Variants in SUCLA2 observed in about 807,000 individuals in gnomAD.
SUCLA2 encodes succinate--CoA ligase [ADP-forming] subunit beta, mitochondrial.
Under a neutral mutation model 54.8 loss-of-function variants are expected in SUCLA2, and 30 were observed. The observed-to-expected ratio is 0.55, with a 90% CI of 0.41 to 0.74. The LOEUF is 0.74. SUCLA2 is among the 30% of genes least tolerant of loss of function. SUCLA2 has a pLI of 0.00. For synonymous variants in SUCLA2, 172 were observed against 188.9 expected, an observed-to-expected ratio of 0.91 and a Z score of 0.74; for missense variants, 476 against 562.9, an observed-to-expected ratio of 0.85 and a Z score of 1.56.
At chr13:47,970,782 C>G (rs1369408277) in intron 5 of SUCLA2, among the ~76,000 whole-genome samples, 1 of 152,162 alleles carries the variant, frequency 6.6e-6, no homozygotes, top group Admixed American at 6.5e-5. Context: ...ATCGCTTGAA[C>G]CCGGGAGGCA....
At chr13:48,001,125 A>G (rs1424089083) in intron 1 of SUCLA2, 55 bp downstream of exon 1, 1 of 1,563,198 alleles carries the variant, frequency 6.4e-7, no homozygotes, top group Admixed American at 1.9e-5. Context: ...GACCCCTCAC[A>G]CCTCACCCTT....
chr13:47,954,965 C>A (rs1041274363), intron 6 of SUCLA2, among the ~76,000 whole-genome samples: 5 of 152,074 alleles, frequency 3.3e-5, no homozygotes, highest in East Asian at 1.9e-4. Flanking sequence ...TGCCTCCCCC[C>A]ACCCCTTACC....
At chr13:47,994,044 A>C (rs1372068229) in intron 2 of SUCLA2, among the ~76,000 whole-genome samples, 1 of 140,622 alleles carries the variant, frequency 7.1e-6, no homozygotes, top group Non-Finnish European at 1.6e-5. Context: ...GGCAACAAGA[A>C]CGAAACTCCG....
chr13:47,963,680 A>G (rs1178018757), intron 6 of SUCLA2, among the ~76,000 whole-genome samples: 2 of 152,040 alleles, frequency 1.3e-5, no homozygotes, highest in African/African-American at 2.4e-5. Flanking sequence ...AGACATAAAT[A>G]TAGGTGTGTT....
chr13:47,975,027 T>C (rs1455909537), intron 4 of SUCLA2, among the ~76,000 whole-genome samples: 1 of 152,132 alleles, frequency 6.6e-6, no homozygotes, highest in Non-Finnish European at 1.5e-5. Context: ...AAAAGACTTT[T>C]GTTATTTTAA....
intron 6 of SUCLA2, among the ~76,000 whole-genome samples, chr13:47,961,434 G>A (rs1490237480): frequency 6.6e-6 from 1 of 152,066 alleles, no homozygotes; most frequent in Non-Finnish European, 1.5e-5. Flanking sequence ...ATTCTATTTT[G>A]TGATAACAAG....
intron 2 of SUCLA2, among the ~76,000 whole-genome samples, chr13:47,995,238 AT>A: frequency 6.6e-6 from 1 of 152,098 alleles, no homozygotes; most frequent in Non-Finnish European, 1.5e-5. Flanking sequence ...GAGGAAAACC[AT>A]TTTTACCGAC....
chr13:47,950,317 T>A (rs1314944712), intron 8 of SUCLA2, among the ~76,000 whole-genome samples: 2 of 152,126 alleles, frequency 1.3e-5, no homozygotes, highest in East Asian at 1.9e-4. Flanking sequence ...GGATCCACCA[T>A]CTCGCAGCCA....
At chr13:47,943,766 G>GTATATATATATATA (rs1555255588) in intron 10 of SUCLA2, among the ~76,000 whole-genome samples, 45 of 139,650 alleles carry the variant, frequency 3.2e-4, no homozygotes, top group African/African-American at 1.1e-3. Flanking sequence ...GTGTGTGTGT[G>GTATATATATATATA]TATATATATA....
At chr13:47,994,192 A>G (rs946878863) in intron 2 of SUCLA2, among the ~76,000 whole-genome samples, 1 of 151,866 alleles carries the variant, frequency 6.6e-6, no homozygotes, top group African/African-American at 2.4e-5. Context: ...AACAAAACCA[A>G]GTGTATTTCT....
Position 47,963,792 on chromosome 13 carries a change from A to T in SUCLA2, c.802+4803T>A, listed in dbSNP as rs145033017. ...GAAGCAATGACACAAGATTAGCAAT[A>T]TGCATTAAGTAGTATGTCTATCTTG... is the stretch of plus-strand genomic sequence containing the variant. On this transcript the variant is annotated intron_variant, in intron 6 of 10. Transcript: ENST00000646932. Among the ~76,000 whole-genome samples, 521 of 152,348 alleles carry T rather than the reference A, an allele frequency of 3.4e-3. 7 individuals carry two copies. Among genetic ancestry groups the T allele is most frequent in the African/African-American group, 0.012 (502 of 41,580 alleles).
chr13:47,956,663 T>C (rs190087908), intron 6 of SUCLA2, among the ~76,000 whole-genome samples: 24 of 152,274 alleles, frequency 1.6e-4, no homozygotes, highest in Admixed American at 9.2e-4. Flanking sequence ...AAGTAGTAAA[T>C]GTCAAGAAGG....
Position 47,949,037 on chromosome 13 carries a change from G to A in SUCLA2, c.1229-9C>T, listed in dbSNP as rs764224889. 1 of 1,612,016 alleles carries A rather than the reference G, an allele frequency of 6.2e-7. No homozygotes were observed. The highest frequency in any genetic ancestry group is 1.3e-5 in the African/African-American group (1 of 74,834). On this transcript the variant is annotated splice_polypyrimidine_tract_variant and intron_variant, in intron 9 of 10. Transcript: ENST00000646932. ...ATCATCGACTCGTGTACCTGTAAAT[G>A]ATTTATGCAAATATAAATGTTTTAA...
At chr13:47,966,544 C>G (rs928739321) in intron 6 of SUCLA2, among the ~76,000 whole-genome samples, 82 of 135,540 alleles carry the variant, frequency 6.0e-4, no homozygotes, top group Non-Finnish European at 9.6e-4. Context: ...AAAAAAAAGG[C>G]AAAAACTGCA....
intron 6 of SUCLA2, among the ~76,000 whole-genome samples, chr13:47,967,046 T>A (rs1483756536): frequency 1.3e-5 from 2 of 152,114 alleles, no homozygotes; most frequent in Admixed American, 1.3e-4. Context: ...TAATATTTTA[T>A]ATTAATTTCC....
intron 4 of SUCLA2, among the ~76,000 whole-genome samples, chr13:47,977,554 C>T (rs762958152): frequency 7.2e-5 from 11 of 151,804 alleles, no homozygotes; most frequent in Non-Finnish European, 1.2e-4. Context: ...AATTCAACAA[C>T]ACATTAAAGG....
intron 5 of SUCLA2, among the ~76,000 whole-genome samples, chr13:47,969,656 AC>A (rs1308249555): frequency 6.6e-6 from 1 of 151,816 alleles, no homozygotes; most frequent in Non-Finnish European, 1.5e-5. Context: ...CTGCTCAGGA[AC>A]CCTATAGAGA....
chr13:47,986,274 G>A (rs1000563553), intron 4 of SUCLA2, among the ~76,000 whole-genome samples: 25 of 152,016 alleles, frequency 1.6e-4, no homozygotes, highest in South Asian at 4.2e-4. Context: ...CAGGTAATTC[G>A]TCCACCTCGG....
At chr13:47,945,198 G>A (rs1260770640) in intron 10 of SUCLA2, among the ~76,000 whole-genome samples, 6 of 142,464 alleles carry the variant, frequency 4.2e-5, no homozygotes, top group Non-Finnish European at 9.1e-5. Context: ...GCAGTGAGCC[G>A]AGATCACACC....
Sources: gnomAD v4.1 joint callset for allele counts (sites outside exome capture counted in the v4.1 genomes callset) on GRCh38, gnomAD v4.1.1 for gene constraint, MANE v1.5 for transcripts, NCBI Gene and HGNC (gene_info 2026-07-23, HGNC 2026-07-21) for gene names.